HIVEP1: variants seen among roughly 807,000 people sequenced by gnomAD.
The protein encoded by HIVEP1 is HIVEP zinc finger 1.
HIVEP1 carries 36 observed loss-of-function variants against 180.0 expected under a neutral mutation model. The ratio of observed to expected loss-of-function variants is 0.20; its 90% CI spans 0.15 to 0.26. The LOEUF is 0.26. Among genes scored for constraint, HIVEP1 ranks in the 10% least tolerant of loss-of-function variants. HIVEP1 has a pLI of 1.00. For missense variants in HIVEP1, 3,143 were observed against 3,268.7 expected (o/e 0.96, Z 0.94); for synonymous variants, 1,239 against 1,239.0 (o/e 1.00, Z 0.00).
chr6:12,200,477 T>C, the HIVEP1 span, among the ~76,000 whole-genome samples: 5 of 152,352 alleles, frequency 3.3e-5, no homozygotes, highest in East Asian at 9.6e-4. Flanking sequence ...AATTCTTTCC[T>C]GGGCAAAGCT....
At chr6:12,032,005 T>C (rs1365927055) in intron 2 of HIVEP1, among the ~76,000 whole-genome samples, 2 of 152,158 alleles carry the variant, frequency 1.3e-5, no homozygotes, top group African/African-American at 4.8e-5. Context: ...TAGAGACCCA[T>C]CAAGCTGGCA....
At chr6:12,060,975 G>C (rs953224624) in intron 2 of HIVEP1, among the ~76,000 whole-genome samples, 1 of 152,114 alleles carries the variant, frequency 6.6e-6, no homozygotes, top group Non-Finnish European at 1.5e-5. Flanking sequence ...GAGAGGTAGT[G>C]GGGGAGGACT....
chr6:12,036,827 G>C (rs1042292045), intron 2 of HIVEP1, among the ~76,000 whole-genome samples: 9 of 152,238 alleles, frequency 5.9e-5, no homozygotes, highest in African/African-American at 2.2e-4. Context: ...AGAAGTGCTT[G>C]AACCCGGGAG....
chr6:12,056,662 A>G (rs1196411364), intron 2 of HIVEP1, among the ~76,000 whole-genome samples: 1 of 152,168 alleles, frequency 6.6e-6, no homozygotes, highest in African/African-American at 2.4e-5. Flanking sequence ...TACATTGTCC[A>G]GGACTCTAGT....
intron 2 of HIVEP1, among the ~76,000 whole-genome samples, chr6:12,043,205 T>A (rs1305677159): frequency 1.3e-5 from 2 of 152,188 alleles, no homozygotes; most frequent in African/African-American, 4.8e-5. Flanking sequence ...TTACTTGAAA[T>A]ACCCTAACTT....
chr6:12,075,856 A>G (rs929891941), intron 2 of HIVEP1, among the ~76,000 whole-genome samples: 3 of 152,220 alleles, frequency 2.0e-5, no homozygotes, highest in African/African-American at 7.2e-5. Flanking sequence ...CCTTTGTGAA[A>G]CAAACAAAAA....
At chr6:12,128,329 T>C (rs887698768) in intron 4 of HIVEP1, among the ~76,000 whole-genome samples, 1 of 152,192 alleles carries the variant, frequency 6.6e-6, no homozygotes, top group African/African-American at 2.4e-5. Context: ...CAGCTTTTCT[T>C]TCCTCCTGCC....
Position 12,125,234 on chromosome 6 carries a change from G to A in HIVEP1, c.5439G>A (p.Leu1813=). 1 of 1,614,110 alleles carries A rather than the reference G, an allele frequency of 6.2e-7. No homozygotes were observed. The highest frequency in any genetic ancestry group is 8.5e-7 in the Non-Finnish European group (1 of 1,180,014). The part of the protein sequence containing the change: ...CTTEPLDGVM[L]EKDVFSQPEI... Reference sequence around the variant, plus strand: ...CAGAGCCCCTGGACGGTGTGATGTTGGAAAAGGATGTTTTTTCTCAACCTG... The same window carrying A: ...CAGAGCCCCTGGACGGTGTGATGTTAGAAAAGGATGTTTTTTCTCAACCTG... Residue 1813 remains leucine (L), a synonymous_variant, in exon 4 of 9, where the codon TTG becomes TTA. Transcript: ENST00000379388.
chr6:12,052,306 C>A (rs1466639685), intron 2 of HIVEP1, among the ~76,000 whole-genome samples: 1 of 152,092 alleles, frequency 6.6e-6, no homozygotes, highest in Admixed American at 6.5e-5. Context: ...ACTTAGAGGG[C>A]CACCTAGAGA....
intron 2 of HIVEP1, among the ~76,000 whole-genome samples, chr6:12,088,756 C>G (rs907797158): frequency 1.4e-5 from 2 of 146,434 alleles, no homozygotes; most frequent in African/African-American, 4.8e-5. Flanking sequence ...CTCTGTTTTT[C>G]CATCCTTTTC....
chr6:12,040,990 C>G (rs1034168576), intron 2 of HIVEP1, among the ~76,000 whole-genome samples: 1 of 152,214 alleles, frequency 6.6e-6, no homozygotes, highest in Non-Finnish European at 1.5e-5. Context: ...AGCCCCACCT[C>G]CAGCATTGGG....
At chr6:12,066,521 G>C (rs564705337) in intron 2 of HIVEP1, among the ~76,000 whole-genome samples, 6 of 152,326 alleles carry the variant, frequency 3.9e-5, no homozygotes, top group South Asian at 2.1e-4. Flanking sequence ...GAAGTTACAA[G>C]CTTAATTACT....
Position 12,161,678 on chromosome 6 carries a change from A to T in HIVEP1, c.6727A>T (p.Thr2243Ser). 3 of 1,614,176 alleles carry T rather than the reference A, an allele frequency of 1.9e-6. No individual in the cohort carries two copies. The highest frequency in any genetic ancestry group is 2.5e-6 in the Non-Finnish European group (3 of 1,180,028). ...RITDCFSGVHTDPMDVLPRAL... is the reference protein window; with the variant it reads ...RITDCFSGVHSDPMDVLPRAL... Reference sequence around the variant, plus strand: ...CACCGATTGCTTTTCTGGGGTACACACGGACCCAATGGACGTTCTGCCCAG... The same window carrying T: ...CACCGATTGCTTTTCTGGGGTACACTCGGACCCAATGGACGTTCTGCCCAG... The change falls in exon 8 of 9, where the codon ACG (threonine) becomes TCG (serine). Residue 2243 changes from threonine to serine, a missense_variant. Thr to Ser is a moderately conservative substitution (Grantham distance 58, BLOSUM62 1). Transcript: ENST00000379388.
Position 12,161,836 on chromosome 6 carries a change from C to G in HIVEP1, c.6885C>G (p.Ser2295=), listed in dbSNP as rs775683764. The G allele has an allele frequency of 3.1e-6, 5 of 1,613,960 alleles. No homozygotes were observed. The African/African-American group carries it at 4.0e-5, about 13-fold the overall frequency. The change falls in exon 8 of 9, where the codon TCC becomes TCG. Residue 2295 remains serine (S), a synonymous_variant. Transcript: ENST00000379388. ...ACACAATTCCGTCTGTAGACACTTCCAGGTCCCCGTGTCATCAGATGTCTG... is the reference window on the plus strand; with the variant it reads ...ACACAATTCCGTCTGTAGACACTTCGAGGTCCCCGTGTCATCAGATGTCTG... ...ENDTIPSVDT[S]RSPCHQMSVD...
intron 3 of HIVEP1, among the ~76,000 whole-genome samples, chr6:12,104,024 C>T (rs1463855473): frequency 6.6e-6 from 1 of 152,052 alleles, no homozygotes; most frequent in Non-Finnish European, 1.5e-5. Flanking sequence ...GTAGAGGTGT[C>T]ACTCTATTGC....
chr6:12,110,026 A>G (rs933972932), intron 3 of HIVEP1, among the ~76,000 whole-genome samples: 4 of 152,208 alleles, frequency 2.6e-5, no homozygotes, highest in African/African-American at 9.6e-5. Context: ...CTTGAATGAC[A>G]AGGTTTATTC....
At position 12,124,419 on chromosome 6, in the gene HIVEP1, A is replaced by G. The variant is rs773771917; in HGVS notation, c.4624A>G (p.Lys1542Glu). The G allele has an allele frequency of 3.7e-6, 6 of 1,614,106 alleles. No homozygotes were observed. In the East Asian group the frequency reaches 1.1e-4, roughly 30 times the overall value. The change falls in exon 4 of 9, where the codon AAA (lysine) becomes GAA (glutamate). Residue 1542 changes from lysine (K) to glutamate (E), a missense_variant. This residue lies in a region of HIVEP1 where 1,357 missense variants were observed against 1,260.5 expected (regional missense o/e 1.08). Coordinates refer to ENST00000379388, the MANE Select transcript of HIVEP1 (RefSeq NM_002114.4). ...GTCTACGCAGGGTAGCAAGCCAGAT[A>G]AAAATTCTGTTTTATCTGGGTCTTC... ...QVSTQGSKPD[K>E]NSVLSGSSKS... is the part of the protein sequence containing the mutation.
At chr6:12,168,347 G>GTATATGTATATATTATATACATA (rs1760812326), downstream of HIVEP1, among the ~76,000 whole-genome samples, 1 of 49,240 alleles carries the variant, frequency 2.0e-5, no homozygotes, top group African/African-American at 7.2e-5. Context: ...ATATATACAT[G>GTATATGTATATATTATATACATA]TATATGTATA....
In HIVEP1 at chr6:12,126,305, T is replaced by G. The variant is rs376894230; in HGVS notation, c.6075+435T>G. Among the ~76,000 whole-genome samples, 10 of 152,344 alleles carry G rather than the reference T, an allele frequency of 6.6e-5. No homozygotes were observed. In the East Asian group the frequency reaches 1.5e-3, roughly 24 times the overall value. On this transcript the variant is annotated intron_variant, in intron 4 of 8. Coordinates refer to ENST00000379388, the MANE Select transcript of HIVEP1 (RefSeq NM_002114.4). ...GATAGTTGTATTTCATCCTGAAATA[T>G]AAGCAGAAAGCCATTTAGACTTGTC...
Sources: allele counts gnomAD v4.1 joint callset (sites outside exome capture counted in the v4.1 genomes callset), GRCh38; gene constraint gnomAD v4.1.1; regional missense constraint gnomAD v4.1.1; transcripts MANE v1.5; gene names NCBI Gene and HGNC (gene_info 2026-07-23, HGNC 2026-07-21).